The following FAM135A variants were observed in gnomAD, a reference collection of about 807,000 sequenced individuals.
The protein encoded by FAM135A is protein FAM135A.
In FAM135A, 79 loss-of-function variants were observed where a neutral mutation model predicts 146.8. The observed-to-expected ratio is 0.54, with a 90% CI of 0.45 to 0.65. FAM135A has a LOEUF of 0.65. Among genes scored for constraint, FAM135A ranks in the 30% least tolerant of loss-of-function variants. The pLI is 0.00. For missense variants in FAM135A, 1,623 were observed against 1,758.2 expected (o/e 0.92, Z 1.38); for synonymous variants, 562 against 603.6 (o/e 0.93, Z 1.01).
chr6:70,508,136 A>C (rs1790211857), intron 12 of FAM135A, among the ~76,000 whole-genome samples: 1 of 152,154 alleles, frequency 6.6e-6, no homozygotes. Context: ...GTGCTTAGGG[A>C]TCCAAAATAT....
At position 70,490,509 on chromosome 6, in the gene FAM135A, GA is replaced by G. The variant is rs551665161; in HGVS notation, c.824-520del. Among the ~76,000 whole-genome samples the G allele has an allele frequency of 1.9e-3, 283 of 152,000 alleles. 3 individuals carry two copies. Among genetic ancestry groups the G allele is most frequent in the Non-Finnish European group, 4.3e-4 (29 of 67,910 alleles). On this transcript the variant is annotated intron_variant, in intron 10 of 21. Transcript: ENST00000418814. Reference sequence around the variant, plus strand: ...TGCCTCAGTTTAAGAATATTTTATAGAAAAATAAATACATTAGGAACTAACT... The same window carrying G: ...TGCCTCAGTTTAAGAATATTTTATAGAAAATAAATACATTAGGAACTAACT...
intron 15 of FAM135A, 42 bp downstream of exon 15, chr6:70,526,740 CATATAT>C (rs370453074): frequency 5.8e-6 from 6 of 1,036,344 alleles, no homozygotes; most frequent in Admixed American, 2.3e-5. Context: ...TAAATATATA[CATATAT>C]ATATACACAC....
chr6:70,500,498 ACT>A (rs1416453813), intron 11 of FAM135A, among the ~76,000 whole-genome samples: 3 of 151,762 alleles, frequency 2.0e-5, no homozygotes, highest in Non-Finnish European at 4.4e-5. Context: ...CGTCAGTCTC[ACT>A]CTCCGTCCAG....
chr6:70,539,334 G>A (rs1342595719), intron 20 of FAM135A, among the ~76,000 whole-genome samples: 1 of 152,042 alleles, frequency 6.6e-6, no homozygotes, highest in East Asian at 1.9e-4. Context: ...AAGTATTTTG[G>A]TTTTGTAAGC....
At chr6:70,478,734 A>G (rs996765966) in intron 8 of FAM135A, among the ~76,000 whole-genome samples, 4 of 152,124 alleles carry the variant, frequency 2.6e-5, no homozygotes, top group African/African-American at 9.7e-5. Flanking sequence ...TTCTATAGAA[A>G]GATCTGTAAC....
chr6:70,522,695 T>C (rs1005965970), intron 13 of FAM135A, 109 bp downstream of exon 13: 3 of 805,276 alleles, frequency 3.7e-6, no homozygotes, highest in Admixed American at 2.8e-5. Flanking sequence ...TATAAGAAAT[T>C]AGGAGAATTT....
At chr6:70,418,593 A>C (rs1231238599) in intron 2 of FAM135A, 2 of 152,398 alleles carry the variant, frequency 1.3e-5, no homozygotes. Context: ...CTGGGATTAC[A>C]GGCATGAGCC....
chr6:70,415,551 C>T (rs1329719120), intron 2 of FAM135A, among the ~76,000 whole-genome samples, 175 bp downstream of exon 2: 1 of 152,114 alleles, frequency 6.6e-6, no homozygotes, highest in East Asian at 1.9e-4. Context: ...ATGCACTCAT[C>T]AGCTTTTAAG....
intron 10 of FAM135A, among the ~76,000 whole-genome samples, chr6:70,482,574 C>A (rs902163453): frequency 1.3e-5 from 2 of 152,050 alleles, no homozygotes; most frequent in Non-Finnish European, 2.9e-5. Context: ...TAATAGTTAT[C>A]TCAGATCTCA....
At chr6:70,518,927 C>T (rs570078476) in intron 12 of FAM135A, among the ~76,000 whole-genome samples, 19 of 152,326 alleles carry the variant, frequency 1.2e-4, no homozygotes, top group Non-Finnish European at 1.0e-4. Flanking sequence ...TATTCTTCAG[C>T]CCATGTGATG....
At chr6:70,428,824 T>C (rs1770796912) in intron 4 of FAM135A, among the ~76,000 whole-genome samples, 1 of 152,214 alleles carries the variant, frequency 6.6e-6, no homozygotes, top group African/African-American at 2.4e-5. Context: ...TTTTATAATA[T>C]CATTTTTAAT....
intron 18 of FAM135A, among the ~76,000 whole-genome samples, chr6:70,534,373 G>A (rs991779663): frequency 3.7e-5 from 5 of 135,074 alleles, no homozygotes; most frequent in African/African-American, 8.6e-5. Context: ...AGGCTAGAGA[G>A]CAGTGGCGCC....
At chr6:70,503,829 G>A (rs1388359707) in intron 12 of FAM135A, 1 of 152,116 alleles carries the variant, frequency 6.6e-6, no homozygotes, top group Non-Finnish European at 1.5e-5. Context: ...CCTGTAGATT[G>A]TTCATTATCA....
chr6:70,496,458 G>A (rs151076971), intron 11 of FAM135A, among the ~76,000 whole-genome samples: 1,378 of 135,854 alleles, frequency 0.01, 15 homozygotes, highest in African/African-American at 0.043. Flanking sequence ...TAGGTTGCCT[G>A]TTCACTCTGA....
chr6:70,499,088 T>C (rs964279879), intron 11 of FAM135A, among the ~76,000 whole-genome samples: 36 of 152,088 alleles, frequency 2.4e-4, no homozygotes, highest in Admixed American at 1.9e-3. Context: ...TAAAGACTCC[T>C]ACTATTATTG....
intron 12 of FAM135A, among the ~76,000 whole-genome samples, chr6:70,510,537 G>A (rs1790759871): frequency 6.6e-6 from 1 of 152,032 alleles, no homozygotes; most frequent in Non-Finnish European, 1.5e-5. Context: ...ACAACATTTT[G>A]TATCTGGTTT....
intron 16 of FAM135A, among the ~76,000 whole-genome samples, chr6:70,530,262 T>C (rs896404712): frequency 2.0e-5 from 3 of 152,156 alleles, no homozygotes; most frequent in African/African-American, 7.2e-5. Context: ...TTAATATCCA[T>C]TCCTAATTAT....
intron 20 of FAM135A, among the ~76,000 whole-genome samples, chr6:70,550,287 C>T (rs1409069200): frequency 6.6e-6 from 1 of 152,188 alleles, no homozygotes; most frequent in African/African-American, 2.4e-5. Flanking sequence ...AAAAGCTTTT[C>T]ATTTTACTTT....
intron 12 of FAM135A, chr6:70,503,469 T>C (rs1262262105): frequency 6.6e-6 from 1 of 152,086 alleles, no homozygotes; most frequent in Non-Finnish European, 1.5e-5. Flanking sequence ...ACATAACACA[T>C]AAAGTCAGAA....
Sources: allele counts gnomAD v4.1 joint callset (sites outside exome capture counted in the v4.1 genomes callset), GRCh38; gene constraint gnomAD v4.1.1; transcripts MANE v1.5; gene names NCBI Gene and HGNC (gene_info 2026-07-23, HGNC 2026-07-21).